Variants in ODAD2 observed in about 807,000 individuals in gnomAD.
ODAD2 encodes the protein outer dynein arm docking complex subunit 2, also known as outer dynein arm-docking complex subunit 2.
In ODAD2, 89 loss-of-function variants were observed where a neutral mutation model predicts 106.8. That is an observed-to-expected ratio of 0.83 (90% CI 0.70 to 0.99). ODAD2 has a LOEUF of 0.99. Ranked by LOEUF, ODAD2 falls within the 50% of genes least tolerant of loss-of-function variation. The pLI is 0.00. For missense variants in ODAD2, 1,168 were observed against 1,238.5 expected (o/e 0.94, Z 0.85); for synonymous variants, 404 against 436.2 (o/e 0.93, Z 0.92).
At chr10:27,933,311 A>C (rs778682808) in intron 16 of ODAD2, among the ~76,000 whole-genome samples, 9 of 152,184 alleles carry the variant, frequency 5.9e-5, no homozygotes, top group Non-Finnish European at 1.0e-4. Flanking sequence ...ATTTGCAAGT[A>C]AAAGATGAAA....
chr10:27,912,870 G>C (rs1844106861), intron 16 of ODAD2, among the ~76,000 whole-genome samples: 1 of 152,100 alleles, frequency 6.6e-6, no homozygotes, highest in Non-Finnish European at 1.5e-5. Flanking sequence ...AAACAGATTA[G>C]AAGAGAATTT....
intron 17 of ODAD2, among the ~76,000 whole-genome samples, chr10:27,870,555 C>G (rs915565587): frequency 3.3e-5 from 5 of 151,984 alleles, no homozygotes; most frequent in African/African-American, 1.2e-4. Context: ...CTTCCTGTGT[C>G]CAAGTGTTCT....
In ODAD2 at chr10:27,885,793, A is replaced by AT. The variant is rs1564466716; in HGVS notation, c.2610+21869_2610+21870insA. On this transcript the variant is annotated intron_variant, in intron 17 of 19. Transcript: ENST00000305242. ...ATTATATAAAATATATATTATATAT[A>AT]ATATATATAAAATATATATTATATA... Among the ~76,000 whole-genome samples, 264 of 52,654 alleles carry AT rather than the reference A, an allele frequency of 5.0e-3. 7 individuals carry two copies. The highest frequency in any genetic ancestry group is 0.018 in the African/African-American group (257 of 14,254). 34.5% of individuals were successfully genotyped at this position (52,654 alleles called of 152,430 possible). A position where few individuals can be genotyped will look rare whatever the true frequency, so the allele number is the denominator to read the frequency against.
intron 17 of ODAD2, among the ~76,000 whole-genome samples, chr10:27,882,209 G>GAAAGAA (rs1564461435): frequency 6.6e-6 from 1 of 150,858 alleles, no homozygotes; most frequent in Non-Finnish European, 1.5e-5. Flanking sequence ...AAGAAAGAAA[G>GAAAGAA]AAAGAAAGAA....
At chr10:27,875,269 GA>G (rs1841244962) in intron 17 of ODAD2, among the ~76,000 whole-genome samples, 2 of 151,968 alleles carry the variant, frequency 1.3e-5, no homozygotes, top group African/African-American at 4.8e-5. Flanking sequence ...ATCTTTTTTT[GA>G]AGGTTTTTAG....
chr10:27,915,714 CA>C (rs1844320877), intron 16 of ODAD2, among the ~76,000 whole-genome samples: 1 of 152,088 alleles, frequency 6.6e-6, no homozygotes, highest in African/African-American at 2.4e-5. Context: ...CTTCTGTATC[CA>C]GTGAAAACAT....
At chr10:27,878,787 G>C (rs561280520) in intron 17 of ODAD2, among the ~76,000 whole-genome samples, 22 of 152,152 alleles carry the variant, frequency 1.4e-4, no homozygotes, top group African/African-American at 4.8e-4. Flanking sequence ...CAAGCACAGA[G>C]AGTTTGTTTG....
At chr10:27,983,807 C>T in intron 6 of ODAD2, 36 bp downstream of exon 6, 1 of 1,599,312 alleles carries the variant, frequency 6.3e-7, no homozygotes, top group Non-Finnish European at 8.5e-7. Flanking sequence ...AATCAAAGTC[C>T]ACTGGCTTTA....
chr10:27,900,072 T>C (rs1275929378), intron 17 of ODAD2, among the ~76,000 whole-genome samples: 1 of 152,140 alleles, frequency 6.6e-6, no homozygotes, highest in African/African-American at 2.4e-5. Flanking sequence ...GAGCTCTGGC[T>C]GGCATTTGGC....
Position 27,936,807 on chromosome 10 carries a change from T to C in ODAD2, c.2171A>G (p.Asn724Ser), listed in dbSNP as rs1042328230. Residue 724 changes from asparagine to serine, a missense_variant, in exon 15 of 20, where the codon AAT becomes AGT. Transcript: ENST00000305242. The part of the protein sequence containing the change: ...GGLKPLASLL[N>S]NTDNKERLAA... ...TAACCGCTCTTTATTGTCAGTGTTA[T>C]TGAGTAGACTGGCCAAGGGCTTAAG... is the stretch of plus-strand genomic sequence containing the variant. The C allele has an allele frequency of 1.1e-5, 18 of 1,613,922 alleles. No individual in the cohort carries two copies. In the African/African-American group the frequency reaches 2.1e-4, roughly 19 times the overall value.
At position 27,820,777 on chromosome 10, in the gene ODAD2, C is replaced by CTTTTTTTTTTTTTTTTTTT. The variant is rs72095120; in HGVS notation, c.3022-8171_3022-8153dup. 4.5e-4 allele frequency among the ~76,000 whole-genome samples: 48 copies of CTTTTTTTTTTTTTTTTTTT among 105,552 alleles called. 1 individual carries two copies. Among genetic ancestry groups the CTTTTTTTTTTTTTTTTTTT allele is most frequent in the African/African-American group, 1.8e-3 (46 of 25,726 alleles). 69.2% of individuals were successfully genotyped at this position (105,552 alleles called of 152,430 possible). On this transcript the variant is annotated intron_variant, in intron 19 of 19. Transcript: ENST00000305242. ...CAATTAAACCAATGAAGCCCAGCAA[C>CTTTTTTTTTTTTTTTTTTT]TTTTTTTTTTTTTTTTTTTTTTTTG... is the stretch of plus-strand genomic sequence containing the variant.
intron 17 of ODAD2, among the ~76,000 whole-genome samples, chr10:27,884,310 A>T (rs4747608): frequency 3.7e-4 from 57 of 152,328 alleles, no homozygotes; most frequent in Admixed American, 1.9e-3. Flanking sequence ...AAACAACTAC[A>T]GACTGACTCA....
chr10:27,880,701 T>C (rs1484113302), intron 17 of ODAD2, among the ~76,000 whole-genome samples: 1 of 152,190 alleles, frequency 6.6e-6, no homozygotes, highest in Non-Finnish European at 1.5e-5. Flanking sequence ...CCAAGTGCCA[T>C]CTTGGAAGCA....
At chr10:27,944,577 T>C in intron 11 of ODAD2, 146 bp from the exon 12 acceptor site, 1 of 842,118 alleles carries the variant, frequency 1.2e-6, no homozygotes, top group Non-Finnish European at 1.8e-6. Flanking sequence ...TGGCATATTC[T>C]CTTTCATTTA....
chr10:27,884,000 G>C (rs1248131291), intron 17 of ODAD2, among the ~76,000 whole-genome samples: 1 of 151,552 alleles, frequency 6.6e-6, no homozygotes, highest in Non-Finnish European at 1.5e-5. Flanking sequence ...AAGAGAAAGA[G>C]GCAGAAAGGA....
intron 16 of ODAD2, among the ~76,000 whole-genome samples, chr10:27,929,232 GAT>G (rs1339572974): frequency 1.3e-5 from 2 of 152,080 alleles, no homozygotes; most frequent in Admixed American, 1.3e-4. Flanking sequence ...TCTTTAGGTA[GAT>G]AGAAGGATTG....
chr10:27,874,816 T>A (rs1841197159), intron 17 of ODAD2, among the ~76,000 whole-genome samples: 1 of 152,210 alleles, frequency 6.6e-6, no homozygotes. Context: ...CTTTGGTGAA[T>A]CTGACAATTA....
intron 16 of ODAD2, among the ~76,000 whole-genome samples, chr10:27,920,958 C>T (rs987620939): frequency 1.3e-5 from 2 of 152,206 alleles, no homozygotes; most frequent in South Asian, 4.2e-4. Context: ...TTAATTCTAT[C>T]CTTGTGTATG....
intron 17 of ODAD2, among the ~76,000 whole-genome samples, chr10:27,886,324 G>T (rs138537207): frequency 2.6e-5 from 4 of 151,162 alleles, no homozygotes; most frequent in Admixed American, 6.6e-5. Context: ...CATATCAGTA[G>T]ATTTCTCCAG....
Sources: gnomAD v4.1 joint callset for allele counts (sites outside exome capture counted in the v4.1 genomes callset) on GRCh38, gnomAD v4.1.1 for gene constraint, MANE v1.5 for transcripts, NCBI Gene and HGNC (gene_info 2026-07-23, HGNC 2026-07-21) for gene names.